Variants in SGCD observed in about 807,000 individuals in gnomAD.
SGCD encodes the protein sarcoglycan delta, also known as delta-sarcoglycan.
Under a neutral mutation model 36.6 loss-of-function variants are expected in SGCD, and 18 were observed. That is an observed-to-expected ratio of 0.49 (90% CI 0.34 to 0.73). The LOEUF (loss-of-function observed/expected upper bound fraction) is 0.73, where lower values mean the gene tolerates loss of function less well. Among genes scored for constraint, SGCD ranks in the 30% least tolerant of loss-of-function variants. The pLI is 0.01. For synonymous variants in SGCD, 133 were observed against 130.6 expected (o/e 1.02, Z -0.12); for missense variants, 387 against 346.7 (o/e 1.12, Z -0.92).
intron 1 of SGCD, among the ~76,000 whole-genome samples, chr5:155,954,020 T>G (rs138530437): frequency 6.6e-6 from 1 of 152,186 alleles, no homozygotes; most frequent in African/African-American, 2.4e-5. Flanking sequence ...TATTATTTCG[T>G]AGCAGAAATG....
At chr5:155,955,075 T>C (rs561123349) in intron 1 of SGCD, among the ~76,000 whole-genome samples, 1 of 152,130 alleles carries the variant, frequency 6.6e-6, no homozygotes, top group Non-Finnish European at 1.5e-5. Context: ...TTTTGTTCCA[T>C]TCAGATCTTC....
chr5:156,013,906 C>G (rs982326699), intron 1 of SGCD, among the ~76,000 whole-genome samples: 1 of 151,448 alleles, frequency 6.6e-6, no homozygotes, highest in South Asian at 2.1e-4. Context: ...TTTCCTTCCA[C>G]TTTGTGTCTT....
intron 4 of SGCD, among the ~76,000 whole-genome samples, chr5:156,568,505 G>A (rs774812196): frequency 2.0e-5 from 3 of 152,222 alleles, no homozygotes; most frequent in Non-Finnish European, 4.4e-5. Flanking sequence ...TGGAAATGTA[G>A]GTGCCTAGTT....
intron 3 of SGCD, among the ~76,000 whole-genome samples, chr5:156,354,990 ACTGT>A (rs1161141633): frequency 1.3e-5 from 2 of 152,226 alleles, no homozygotes; most frequent in Non-Finnish European, 2.9e-5. Flanking sequence ...CTAGAATGAC[ACTGT>A]CTATTAAGGA....
In SGCD at chr5:156,592,479, T is replaced by G. The variant is rs141411793; in HGVS notation, c.383-2453T>G. Among the ~76,000 whole-genome samples, 41 of 152,288 alleles carry G rather than the reference T, an allele frequency of 2.7e-4. No individual in the cohort carries two copies. In the East Asian group the frequency reaches 7.3e-3, roughly 27 times the overall value. ...CAAATCCCTCATTGGACATCTCAGC[T>G]CTTTCAAGATTTCCTTCTGGCCCTT... On this transcript the variant is annotated intron_variant, in intron 5 of 8. Coordinates refer to ENST00000337851, the MANE Select transcript of SGCD (RefSeq NM_000337.6).
chr5:156,264,355 C>G (rs775213649), intron 3 of SGCD, among the ~76,000 whole-genome samples: 5 of 151,988 alleles, frequency 3.3e-5, no homozygotes, highest in Non-Finnish European at 7.4e-5. Context: ...TGACAGATTC[C>G]CTACAGAGAA....
intron 2 of SGCD, among the ~76,000 whole-genome samples, chr5:156,342,006 C>T (rs1768680165): frequency 6.6e-6 from 1 of 152,176 alleles, no homozygotes; most frequent in African/African-American, 2.4e-5. Flanking sequence ...GCCACCATGC[C>T]CGGCTGAGTA....
intron 1 of SGCD, among the ~76,000 whole-genome samples, chr5:156,089,834 T>C (rs1761195700): frequency 1.3e-5 from 2 of 152,200 alleles, no homozygotes; most frequent in African/African-American, 4.8e-5. Flanking sequence ...GTATCTCTCC[T>C]ATAGTGTGTT....
chr5:156,195,718 C>A (rs905267028), intron 3 of SGCD, among the ~76,000 whole-genome samples: 1 of 152,164 alleles, frequency 6.6e-6, no homozygotes, highest in South Asian at 2.1e-4. Flanking sequence ...TGGGATTGGG[C>A]AAACCATCTC....
chr5:156,620,465 G>C (rs925517681), intron 6 of SGCD, among the ~76,000 whole-genome samples: 4 of 152,190 alleles, frequency 2.6e-5, no homozygotes, highest in Non-Finnish European at 2.9e-5. Flanking sequence ...TTAAAAACTT[G>C]AACAAAATAT....
At chr5:155,842,617 A>T in the SGCD span, among the ~76,000 whole-genome samples, 1 of 152,110 alleles carries the variant, frequency 6.6e-6, no homozygotes, top group Non-Finnish European at 1.5e-5. Flanking sequence ...TTTGAGCTCA[A>T]AAGTTCAAAA....
At chr5:155,771,768 T>A in the SGCD span, among the ~76,000 whole-genome samples, 2 of 151,776 alleles carry the variant, frequency 1.3e-5, no homozygotes, top group Non-Finnish European at 2.9e-5. Flanking sequence ...CCCAGGGTGG[T>A]CTTGAACTCC....
At chr5:156,220,719 A>C (rs1454770288) in intron 3 of SGCD, among the ~76,000 whole-genome samples, 2 of 152,120 alleles carry the variant, frequency 1.3e-5, no homozygotes, top group Admixed American at 1.3e-4. Flanking sequence ...GTGCTCTTTA[A>C]GTACATTTGG....
At chr5:156,560,815 T>C (rs1345304410) in intron 4 of SGCD, among the ~76,000 whole-genome samples, 2 of 152,178 alleles carry the variant, frequency 1.3e-5, no homozygotes, top group Non-Finnish European at 2.9e-5. Flanking sequence ...CTGTGTTTTT[T>C]TTGGATCAAA....
chr5:156,558,619 A>G (rs1245562754), intron 4 of SGCD, among the ~76,000 whole-genome samples: 1 of 152,142 alleles, frequency 6.6e-6, no homozygotes, highest in African/African-American at 2.4e-5. Context: ...AATCTAGTAC[A>G]CTGAGCCTAA....
At chr5:155,879,247 G>T (rs1398770971) in intron 1 of SGCD, among the ~76,000 whole-genome samples, 1 of 152,112 alleles carries the variant, frequency 6.6e-6, no homozygotes, top group Non-Finnish European at 1.5e-5. Context: ...ACTCATGAAT[G>T]TGGCCTGTAT....
At chr5:156,210,327 C>T (rs555022483) in intron 3 of SGCD, among the ~76,000 whole-genome samples, 10 of 152,042 alleles carry the variant, frequency 6.6e-5, no homozygotes, top group Admixed American at 1.3e-4. Context: ...TGGATAAAGC[C>T]GGTGTGTGAA....
chr5:156,014,438 T>C lies in SGCD; in HGVS notation c.-281-103440T>C, dbSNP rs770083531. 5.3e-5 allele frequency among the ~76,000 whole-genome samples: 8 copies of C among 152,286 alleles called. No homozygotes were observed. The Middle Eastern group carries it at 0.01, about 194-fold the overall frequency. ...TGCTTTATCATCCATGTGTATATAT[T>C]ATTATTTATTTTTTATGGGAGAAAA... On this transcript the variant is annotated intron_variant, in intron 1 of 9. Coordinates refer to the SGCD transcript ENST00000517913.
At chr5:155,800,226 G>T in the SGCD span, among the ~76,000 whole-genome samples, 17 of 152,182 alleles carry the variant, frequency 1.1e-4, no homozygotes, top group East Asian at 3.1e-3. Flanking sequence ...CCCATTCCCT[G>T]GGAGGCTTTG....
Sources: gnomAD v4.1 joint callset for allele counts (sites outside exome capture counted in the v4.1 genomes callset) on GRCh38, gnomAD v4.1.1 for gene constraint, MANE v1.5 for transcripts, NCBI Gene and HGNC (gene_info 2026-07-23, HGNC 2026-07-21) for gene names.